The following NPAS3 variants were observed in gnomAD, a reference collection of about 807,000 sequenced individuals.
NPAS3 encodes the protein neuronal PAS domain protein 3.
NPAS3 carries 14 observed loss-of-function variants against 73.1 expected under a neutral mutation model. The observed-to-expected ratio is 0.19, with a 90% CI of 0.13 to 0.30. The LOEUF is 0.30. Among genes scored for constraint, NPAS3 ranks in the 10% least tolerant of loss-of-function variants. The probability of loss-of-function intolerance (pLI) is 1.00; values close to 1 mark genes in which losing one functional copy is unlikely to be tolerated. For missense variants in NPAS3, 1,096 were observed against 1,250.0 expected, an observed-to-expected ratio of 0.88 and a Z score of 1.86; for synonymous variants, 620 against 541.5, an observed-to-expected ratio of 1.14 and a Z score of -2.01.
chr14:33,485,629 C>A (rs1047344881), intron 4 of NPAS3, among the ~76,000 whole-genome samples: 1 of 152,116 alleles, frequency 6.6e-6, no homozygotes, highest in East Asian at 1.9e-4. Flanking sequence ...TTCTCCTAAT[C>A]AACATATTTT....
At chr14:33,629,557 T>A (rs75641745) in intron 5 of NPAS3, among the ~76,000 whole-genome samples, 1 of 150,434 alleles carries the variant, frequency 6.6e-6, no homozygotes, top group Non-Finnish European at 1.5e-5. Context: ...TCCTCAATGG[T>A]TTTTTTTGTT....
chr14:33,138,333 T>C (rs2043917915), intron 2 of NPAS3, among the ~76,000 whole-genome samples: 1 of 151,938 alleles, frequency 6.6e-6, no homozygotes, highest in Non-Finnish European at 1.5e-5. Flanking sequence ...ATTTAAATCA[T>C]CTTTTACTAT....
chr14:32,999,553 G>A (rs546056425), intron 1 of NPAS3, among the ~76,000 whole-genome samples: 1 of 151,872 alleles, frequency 6.6e-6, no homozygotes, highest in African/African-American at 2.4e-5. Flanking sequence ...TAACACAGTT[G>A]CATTTTCTAA....
intron 1 of NPAS3, among the ~76,000 whole-genome samples, chr14:32,960,838 T>G (rs1372151517): frequency 6.6e-6 from 1 of 152,204 alleles, no homozygotes; most frequent in African/African-American, 2.4e-5. Flanking sequence ...AAGACAGCTT[T>G]ATTCATTCAT....
At chr14:33,685,025 A>AGTT (rs565825315) in intron 6 of NPAS3, among the ~76,000 whole-genome samples, 1 of 152,214 alleles carries the variant, frequency 6.6e-6, no homozygotes, top group South Asian at 2.1e-4. Context: ...TCTTTTCTCT[A>AGTT]GTTGTTATTA....
chr14:33,393,092 C>G (rs2047076701), intron 4 of NPAS3, among the ~76,000 whole-genome samples: 1 of 151,938 alleles, frequency 6.6e-6, no homozygotes, highest in African/African-American at 2.4e-5. Context: ...TGCTTATTTT[C>G]TAAATTGTTT....
intron 2 of NPAS3, among the ~76,000 whole-genome samples, chr14:33,166,767 C>T (rs1287892819): frequency 6.6e-6 from 1 of 152,072 alleles, no homozygotes; most frequent in Admixed American, 6.5e-5. Context: ...TTCTGCCTCA[C>T]TGATGAATTT....
At chr14:33,258,055 A>G (rs1417079052) in intron 3 of NPAS3, among the ~76,000 whole-genome samples, 2 of 152,208 alleles carry the variant, frequency 1.3e-5, no homozygotes, top group African/African-American at 2.4e-5. Context: ...GTAATTGAGA[A>G]CAATAAACTT....
intron 1 of NPAS3, among the ~76,000 whole-genome samples, chr14:32,989,253 G>A (rs1464084604): frequency 6.6e-6 from 1 of 152,180 alleles, no homozygotes; most frequent in Non-Finnish European, 1.5e-5. Flanking sequence ...AGGCACAGAG[G>A]CAGAAATACC....
intron 2 of NPAS3, among the ~76,000 whole-genome samples, chr14:33,116,737 C>A (rs772870202): frequency 1.9e-4 from 29 of 151,808 alleles, no homozygotes; most frequent in Admixed American, 3.9e-4. Flanking sequence ...CCCTCCCCAC[C>A]CACCCATCAC....
intron 1 of NPAS3, among the ~76,000 whole-genome samples, chr14:33,036,655 G>A (rs2040179538): frequency 6.6e-6 from 1 of 152,104 alleles, no homozygotes; most frequent in Admixed American, 6.6e-5. Flanking sequence ...TGTCTAGTAA[G>A]TTTATATCTA....
chr14:33,056,424 G>A (rs2040891128), intron 2 of NPAS3, among the ~76,000 whole-genome samples: 1 of 152,198 alleles, frequency 6.6e-6, no homozygotes, highest in Non-Finnish European at 1.5e-5. Context: ...GTTGTAATTT[G>A]CATAATCCTT....
intron 2 of NPAS3, among the ~76,000 whole-genome samples, chr14:33,162,847 C>T (rs1459397198): frequency 1.3e-5 from 2 of 152,250 alleles, no homozygotes; most frequent in African/African-American, 2.4e-5. Flanking sequence ...CAGACATCAT[C>T]GGATGTTGGT....
chr14:33,406,022 A>G (rs2138817546), intron 4 of NPAS3, among the ~76,000 whole-genome samples: 1 of 152,282 alleles, frequency 6.6e-6, no homozygotes, highest in East Asian at 1.9e-4. Context: ...TGCCTATTGC[A>G]ATACACTTTT....
intron 2 of NPAS3, among the ~76,000 whole-genome samples, chr14:33,144,809 G>A (rs1298979936): frequency 6.6e-6 from 1 of 152,032 alleles, no homozygotes. Flanking sequence ...GCCCAGGCTG[G>A]TCTTGAACTC....
At chr14:33,733,452 C>T (rs1056007070) in intron 6 of NPAS3, among the ~76,000 whole-genome samples, 4 of 151,984 alleles carry the variant, frequency 2.6e-5, no homozygotes, top group South Asian at 2.1e-4. Context: ...AAAGCATTTA[C>T]GTTTAAGTTT....
At chr14:33,231,390 G>A (rs1193601369) in intron 3 of NPAS3, among the ~76,000 whole-genome samples, 2 of 152,012 alleles carry the variant, frequency 1.3e-5, no homozygotes, top group Non-Finnish European at 2.9e-5. Context: ...CAATAAATTT[G>A]GGCTGTTGAT....
rs528189913 is a variant in NPAS3 at position 33,180,554 on chromosome 14, CT to C, written c.141-34625del. ...GTGGCTCAGACCTGTAATCCCAGCA[CT>C]TTGGGAGGCCGAGGCAGGCGGATCA... On this transcript the variant is annotated intron_variant, in intron 2 of 11. Coordinates refer to ENST00000356141, the Ensembl canonical transcript of NPAS3. Among the ~76,000 whole-genome samples, 62 of 151,982 alleles carry C rather than the reference CT, an allele frequency of 4.1e-4. No homozygotes were observed. The East Asian group carries it at 6.4e-3, about 16-fold the overall frequency.
chr14:33,039,954 T>C (rs2138408765), intron 1 of NPAS3, among the ~76,000 whole-genome samples: 1 of 152,328 alleles, frequency 6.6e-6, no homozygotes, highest in African/African-American at 2.4e-5. Context: ...TATTTAATTA[T>C]TTTTTTCCAT....
Sources: allele counts gnomAD v4.1 joint callset (sites outside exome capture counted in the v4.1 genomes callset), GRCh38; gene constraint gnomAD v4.1.1; transcripts MANE v1.5; gene names NCBI Gene and HGNC (gene_info 2026-07-23, HGNC 2026-07-21).